PDE4DIP: variants seen among roughly 807,000 people sequenced by gnomAD.
PDE4DIP encodes myomegalin.
Under a neutral mutation model 221.4 loss-of-function variants are expected in PDE4DIP, and 59 were observed. The observed-to-expected ratio is 0.27, with a 90% CI of 0.22 to 0.33. PDE4DIP has a LOEUF of 0.33. Among genes scored for constraint, PDE4DIP ranks in the 10% least tolerant of loss-of-function variants. The probability of loss-of-function intolerance (pLI) is 1.00; values close to 1 mark genes in which losing one functional copy is unlikely to be tolerated. For missense variants in PDE4DIP, 1,036 were observed against 2,154.2 expected (o/e 0.48, Z 10.28); for synonymous variants, 404 against 815.9 (o/e 0.50, Z 8.60).
intron 5 of PDE4DIP, among the ~76,000 whole-genome samples, chr1:148,949,428 AGT>A (rs200235862): frequency 0.017 from 2,517 of 150,008 alleles, 23 homozygotes; most frequent in Middle Eastern, 0.024. Flanking sequence ...CCCTGACATT[AGT>A]GTGTTAAATT....
At chr1:148,949,491 AAATT>A (rs1402427409) in intron 5 of PDE4DIP, among the ~76,000 whole-genome samples, 1 of 151,474 alleles carries the variant, frequency 6.6e-6, no homozygotes, top group Non-Finnish European at 1.5e-5. Context: ...ATAAAATCTA[AAATT>A]AATACCTGAA....
chr1:148,953,394 G>A (rs1439090668), intron 5 of PDE4DIP: 2 of 1,614,272 alleles, frequency 1.2e-6, no homozygotes, highest in Middle Eastern at 1.6e-4. Flanking sequence ...TGGTCGACCA[G>A]CATTTGCACT....
chr1:148,969,740 C>G (rs2058843689), intron 14 of PDE4DIP, among the ~76,000 whole-genome samples: 1 of 150,174 alleles, frequency 6.7e-6, no homozygotes, highest in Non-Finnish European at 1.5e-5. Flanking sequence ...TGGCATCTCC[C>G]TCTGTCACCC....
chr1:148,963,808 C>A, intron 9 of PDE4DIP, among the ~76,000 whole-genome samples: 1 of 106,970 alleles, frequency 9.3e-6, no homozygotes, highest in East Asian at 3.3e-4. Context: ...GGCTGGAGTA[C>A]AGTGGCGCGA....
intron 4 of PDE4DIP, among the ~76,000 whole-genome samples, chr1:148,934,667 G>C (rs1312916332): frequency 6.6e-6 from 1 of 152,048 alleles, no homozygotes; most frequent in Non-Finnish European, 1.5e-5. Context: ...ACAGTGGCAA[G>C]ATCTCGGCTC....
chr1:148,862,091 G>A (rs1684479706), intron 1 of PDE4DIP, among the ~76,000 whole-genome samples: 1 of 126,970 alleles, frequency 7.9e-6, no homozygotes, highest in Non-Finnish European at 1.7e-5. Flanking sequence ...CTGTCCTTAT[G>A]GCTTCATAGA....
exon 18 of PDE4DIP, chr1:148,977,979 G>A (rs781894633): frequency 2.5e-6 from 4 of 1,614,152 alleles, no homozygotes; most frequent in Non-Finnish European, 3.4e-6. Flanking sequence ...TGTGCAGGAA[G>A]AAGAGCTGCA....
chr1:148,996,366 G>A (rs1191356268), intron 22 of PDE4DIP, among the ~76,000 whole-genome samples: 1 of 152,216 alleles, frequency 6.6e-6, no homozygotes, highest in Non-Finnish European at 1.5e-5. Flanking sequence ...GGGATTGTAA[G>A]CTTTCAGAAG....
At chr1:148,980,016 T>G (rs1250101786) in intron 20 of PDE4DIP, among the ~76,000 whole-genome samples, 167 bp downstream of exon 23, 4 of 152,290 alleles carry the variant, frequency 2.6e-5, no homozygotes, top group African/African-American at 9.6e-5. Context: ...ATTTGTTTTA[T>G]GGATTGCTCT....
intron 9 of PDE4DIP, among the ~76,000 whole-genome samples, chr1:148,962,975 C>G (rs1197171426): frequency 6.6e-6 from 1 of 152,198 alleles, no homozygotes; most frequent in Non-Finnish European, 1.5e-5. Flanking sequence ...TCACTGCAAC[C>G]TCCGCCTCCT....
intron 1 of PDE4DIP, among the ~76,000 whole-genome samples, chr1:148,903,104 C>A (rs1431397411): frequency 2.0e-5 from 3 of 151,904 alleles, no homozygotes; most frequent in African/African-American, 7.3e-5. Context: ...GCCATTCTTG[C>A]AGGAGTAAGG....
At chr1:148,983,871 G>GA (rs1408710921) in intron 21 of PDE4DIP, 8 of 152,118 alleles carry the variant, frequency 5.3e-5, no homozygotes, top group Admixed American at 3.3e-4. Context: ...CTTAAATTGA[G>GA]AAAAAAATCC....
intron 21 of PDE4DIP, chr1:148,986,191 ACT>A (rs1316119638): frequency 1.3e-5 from 2 of 152,128 alleles, no homozygotes; most frequent in Non-Finnish European, 2.9e-5. Context: ...CAAGAGTGAA[ACT>A]CTGTCTTAAA....
intron 1 of PDE4DIP, among the ~76,000 whole-genome samples, chr1:148,842,347 AAAG>A (rs1675207973): frequency 1.1e-5 from 1 of 94,908 alleles, no homozygotes; most frequent in African/African-American, 3.0e-5. Context: ...TTACTAAGTG[AAAG>A]AAGGAGAATA....
At chr1:149,028,582 A>G (rs782643741) in exon 41 of PDE4DIP, 4 of 1,611,028 alleles carry the variant, frequency 2.5e-6, no homozygotes, top group South Asian at 2.2e-5. Context: ...AAAGGTATTC[A>G]TGAGCTTCGG....
chr1:149,005,537 G>A (rs879960757), intron 27 of PDE4DIP, 100 bp downstream of exon 30: 3 of 984,684 alleles, frequency 3.0e-6, no homozygotes, highest in East Asian at 2.4e-5. Flanking sequence ...ACATGTCTGG[G>A]TATTCACAGG....
chr1:148,981,730 C>T (rs1213050160), intron 21 of PDE4DIP: 3 of 268,894 alleles, frequency 1.1e-5, no homozygotes, highest in Non-Finnish European at 2.2e-5. Flanking sequence ...AGCCCCTTCT[C>T]GTTCCCTCAT....
intron 9 of PDE4DIP, among the ~76,000 whole-genome samples, chr1:148,962,893 A>G (rs1401986895): frequency 6.6e-6 from 1 of 151,546 alleles, no homozygotes; most frequent in Admixed American, 6.6e-5. Flanking sequence ...GACCACATTC[A>G]CGTAACTTTT....
chr1:148,827,465 A>G (rs1351419876), intron 1 of PDE4DIP, among the ~76,000 whole-genome samples: 1 of 92,308 alleles, frequency 1.1e-5, no homozygotes, highest in Non-Finnish European at 2.4e-5. Context: ...CGTGTTAGCC[A>G]GGATGGTCTC....
Sources: gnomAD v4.1 joint callset for allele counts (sites outside exome capture counted in the v4.1 genomes callset) on GRCh38, gnomAD v4.1.1 for gene constraint, MANE v1.5 for transcripts, NCBI Gene and HGNC (gene_info 2026-07-23, HGNC 2026-07-21) for gene names.